Variants in PUDP observed in about 807,000 individuals in gnomAD.
PUDP encodes the protein pseudouridine 5'-phosphatase, also known as pseudouridine-5'-phosphatase.
Under a neutral mutation model 9.4 loss-of-function variants are expected in PUDP, and 8 were observed. That is an observed-to-expected ratio of 0.85 (90% CI 0.50 to 1.53). The LOEUF (loss-of-function observed/expected upper bound fraction) is 1.53, where lower values mean the gene tolerates loss of function less well. PUDP is among the 40% of genes most tolerant of loss of function. PUDP has a pLI of 0.00. For synonymous variants in PUDP, 99 were observed against 80.7 expected, an observed-to-expected ratio of 1.23 and a Z score of -1.22; for missense variants, 188 against 189.7, an observed-to-expected ratio of 0.99 and a Z score of 0.05.
At chrX:7,013,121 T>A (rs1929500804) in intron 1 of PUDP, among the ~76,000 whole-genome samples, 1 of 112,104 alleles carries the variant, frequency 8.9e-6, no homozygotes, top group African/African-American at 3.3e-5. Flanking sequence ...TGATTAGTTT[T>A]CAAGATGTGT....
chrX:6,872,119 G>A (rs1049879430), intron 3 of PUDP, among the ~76,000 whole-genome samples: 3 of 110,487 alleles, frequency 2.7e-5, no homozygotes, highest in Non-Finnish European at 5.7e-5. Context: ...CTTCCCCAAG[G>A]CCCATCTCTT....
chrX:6,757,384 T>G (rs1925181589), intron 3 of PUDP, among the ~76,000 whole-genome samples: 1 of 110,272 alleles, frequency 9.1e-6, no homozygotes, highest in Admixed American at 9.7e-5. Context: ...ATGAAAAACT[T>G]TGGATGAAAA....
intron 1 of PUDP, among the ~76,000 whole-genome samples, chrX:7,033,620 AG>A (rs1929818023): frequency 9.0e-6 from 1 of 111,296 alleles, no homozygotes; most frequent in South Asian, 3.9e-4. Flanking sequence ...GGTGAATGTA[AG>A]GAACATATAG....
chrX:6,745,394 T>C (rs1461486494), intron 3 of PUDP, among the ~76,000 whole-genome samples: 2 of 112,206 alleles, frequency 1.8e-5, no homozygotes, highest in Admixed American at 1.9e-4. Flanking sequence ...AGGTAAATTG[T>C]TTAGTAGTCT....
intron 1 of PUDP, among the ~76,000 whole-genome samples, chrX:6,718,779 C>T (rs1316596946): frequency 4.5e-5 from 5 of 111,920 alleles, no homozygotes; most frequent in African/African-American, 1.6e-4. Context: ...CCTTAAAAAA[C>T]AAAGACTTTC....
intron 1 of PUDP, among the ~76,000 whole-genome samples, chrX:7,137,249 A>T (rs1293866104): frequency 1.9e-5 from 2 of 107,881 alleles, no homozygotes; most frequent in Non-Finnish European, 1.9e-5. Flanking sequence ...CTCAAAAAAA[A>T]AAAATAAAAC....
chrX:7,090,229 T>C (rs1035472022), intron 2 of PUDP, among the ~76,000 whole-genome samples: 4 of 111,066 alleles, frequency 3.6e-5, no homozygotes, highest in African/African-American at 1.3e-4. Flanking sequence ...ATATATACTA[T>C]ATAATAACTC....
intron 3 of PUDP, among the ~76,000 whole-genome samples, chrX:6,755,899 G>A (rs183548786): frequency 2.8e-3 from 309 of 110,731 alleles, no homozygotes; most frequent in Non-Finnish European, 4.8e-3. Flanking sequence ...AATGAGTTAC[G>A]ACTAAAGAGA....
intron 3 of PUDP, among the ~76,000 whole-genome samples, chrX:7,066,615 C>G (rs975829169): frequency 1.8e-5 from 2 of 111,230 alleles, no homozygotes; most frequent in African/African-American, 3.3e-5. Flanking sequence ...CTGGCTCACT[C>G]GCCGCTCACT....
chrX:7,022,068 G>A (rs1293915576), intron 1 of PUDP, among the ~76,000 whole-genome samples: 2 of 110,983 alleles, frequency 1.8e-5, no homozygotes, highest in Non-Finnish European at 3.8e-5. Flanking sequence ...GCACCATCTC[G>A]GCCAGGTCGG....
chrX:7,121,204 C>T (rs1285013925), intron 1 of PUDP, among the ~76,000 whole-genome samples: 3 of 112,013 alleles, frequency 2.7e-5, no homozygotes, highest in African/African-American at 6.5e-5. Context: ...ATAGAAGTAG[C>T]CCTGAATGAC....
In PUDP at chrX:7,125,021, TA is replaced by T. The variant is rs386416559; in HGVS notation, c.62-19184del. Among the ~76,000 whole-genome samples, 7 of 103,899 alleles carry T rather than the reference TA, an allele frequency of 6.7e-5. No individual in the cohort carries two copies. In the East Asian group the frequency reaches 9.1e-4, roughly 13 times the overall value. 90.2% of individuals were successfully genotyped at this position (103,899 alleles called of 115,157 possible). A position where few individuals can be genotyped will look rare whatever the true frequency, so the allele number is the denominator to read the frequency against. On this transcript the variant is annotated intron_variant, in intron 1 of 3. Transcript: ENST00000381077. ...ACTGTACAATGACTTTCAAACATAT[TA>T]AAAAAAAACATAAAAAAAACATAAA...
intron 1 of PUDP, among the ~76,000 whole-genome samples, chrX:7,110,498 T>C (rs1273742967): frequency 9.0e-6 from 1 of 111,651 alleles, no homozygotes; most frequent in African/African-American, 3.3e-5. Flanking sequence ...GGAAAACACC[T>C]TGAGCCAACT....
chrX:7,111,338 AGACCTAGGGCTTTGGG>A (rs1932043572), intron 1 of PUDP, among the ~76,000 whole-genome samples: 1 of 111,533 alleles, frequency 9.0e-6, no homozygotes, highest in African/African-American at 3.3e-5. Context: ...TGTTCATACA[AGACCTAGGGCTTTGGG>A]GACCCAAGAG....
At chrX:6,968,745 C>T (rs1470635135) in intron 3 of PUDP, among the ~76,000 whole-genome samples, 2 of 110,538 alleles carry the variant, frequency 1.8e-5, no homozygotes, top group African/African-American at 6.6e-5. Flanking sequence ...TCAGCCTCCC[C>T]AGTAGCTGGG....
At chrX:7,047,467 A>G (rs1434886436), downstream of PUDP, among the ~76,000 whole-genome samples, 5 of 112,267 alleles carry the variant, frequency 4.5e-5, no homozygotes, top group Non-Finnish European at 7.5e-5. Context: ...ACAAAATATT[A>G]TCTATTCAAG....
intron 3 of PUDP, among the ~76,000 whole-genome samples, chrX:6,805,751 C>T (rs780923583): frequency 4.6e-5 from 5 of 109,455 alleles, no homozygotes; most frequent in Non-Finnish European, 7.6e-5. Flanking sequence ...CTCCTGGGCT[C>T]AGGCAATCCT....
chrX:6,751,368 C>A (rs113431457), intron 3 of PUDP, among the ~76,000 whole-genome samples: 1 of 111,117 alleles, frequency 9.0e-6, no homozygotes, highest in Non-Finnish European at 1.9e-5. Flanking sequence ...CAATTCCCTT[C>A]GCAAAGTCTC....
intron 1 of PUDP, among the ~76,000 whole-genome samples, chrX:7,024,772 T>TTTTTTTTTTTTTTTTTTTTTTG: frequency 1.1e-5 from 1 of 92,991 alleles, no homozygotes. Context: ...TTTTTTTTTT[T>TTTTTTTTTTTTTTTTTTTTTTG]AGTAGAGACG....
Sources: gnomAD v4.1 joint callset for allele counts (sites outside exome capture counted in the v4.1 genomes callset) on GRCh38, gnomAD v4.1.1 for gene constraint, MANE v1.5 for transcripts, NCBI Gene and HGNC (gene_info 2026-07-23, HGNC 2026-07-21) for gene names.